Variants in PATJ observed in about 807,000 individuals in gnomAD.
PATJ encodes the protein PATJ crumbs cell polarity complex component, also known as inaD-like protein.
In PATJ, 190 loss-of-function variants were observed where a neutral mutation model predicts 224.9. The ratio of observed to expected loss-of-function variants is 0.84; its 90% CI spans 0.75 to 0.95. The LOEUF (loss-of-function observed/expected upper bound fraction) is 0.95, where lower values mean the gene tolerates loss of function less well. PATJ is among the 40% of genes least tolerant of loss of function. The probability of loss-of-function intolerance (pLI) is 0.00; values close to 1 mark genes in which losing one functional copy is unlikely to be tolerated. For synonymous variants in PATJ, 769 were observed against 820.3 expected (o/e 0.94, Z 1.07); for missense variants, 2,121 against 2,270.3 (o/e 0.93, Z 1.34).
chr1:62,099,231 G>GAA (rs1661803862), intron 33 of PATJ, among the ~76,000 whole-genome samples: 1 of 151,614 alleles, frequency 6.6e-6, no homozygotes, highest in African/African-American at 2.4e-5. Context: ...CCATAGAGGG[G>GAA]AAAAACTATT....
intron 28 of PATJ, among the ~76,000 whole-genome samples, chr1:62,015,787 G>C (rs1646740082): frequency 1.3e-5 from 2 of 152,064 alleles, no homozygotes; most frequent in South Asian, 4.2e-4. Context: ...CGCCATCTCA[G>C]CTCCCAAGTA....
At chr1:62,010,331 AT>A (rs34046309) in intron 28 of PATJ, among the ~76,000 whole-genome samples, 91,972 of 149,386 alleles carry the variant, frequency 0.62, 28,493 homozygotes, top group African/African-American at 0.71. Flanking sequence ...GTTAATGTTG[AT>A]TTTTTTTTTT....
chr1:62,122,503 C>G (rs963899475), intron 38 of PATJ, among the ~76,000 whole-genome samples: 1 of 151,274 alleles, frequency 6.6e-6, no homozygotes, highest in African/African-American at 2.4e-5. Flanking sequence ...CCACATTGAT[C>G]TCAAACAGAG....
intron 30 of PATJ, 54 bp from the exon 31 acceptor site, chr1:62,050,912 G>A (rs890261723): frequency 1.6e-6 from 2 of 1,286,874 alleles, no homozygotes; most frequent in Non-Finnish European, 2.3e-6. Flanking sequence ...TACAATTCGA[G>A]GGAGTGTAAG....
chr1:62,043,928 A>G (rs1339870694), intron 30 of PATJ, among the ~76,000 whole-genome samples: 1 of 151,994 alleles, frequency 6.6e-6, no homozygotes, highest in Non-Finnish European at 1.5e-5. Context: ...GAATCTCACT[A>G]TGTTGCCCAT....
intron 1 of PATJ, among the ~76,000 whole-genome samples, chr1:61,746,243 CTT>C (rs1468360386): frequency 6.6e-6 from 1 of 152,146 alleles, no homozygotes; most frequent in Non-Finnish European, 1.5e-5. Flanking sequence ...CGCCTGGCCT[CTT>C]TTAAAAAATT....
intron 7 of PATJ, among the ~76,000 whole-genome samples, chr1:61,779,975 A>G (rs1647156854): frequency 6.6e-6 from 1 of 152,118 alleles, no homozygotes; most frequent in African/African-American, 2.4e-5. Context: ...CGCACTGCAG[A>G]GAACTCAGAG....
intron 27 of PATJ, among the ~76,000 whole-genome samples, chr1:61,974,616 A>AAG (rs1320471728): frequency 2.0e-5 from 3 of 151,714 alleles, no homozygotes; most frequent in African/African-American, 7.3e-5. Context: ...AAACAAACAA[A>AAG]CGGGCTTTCT....
At position 62,074,175 on chromosome 1, in the gene PATJ, A is replaced by T. The variant is rs540305592; in HGVS notation, c.4126-5275A>T. 1.3e-4 allele frequency among the ~76,000 whole-genome samples: 19 copies of T among 147,288 alleles called. No individual in the cohort carries two copies. In the South Asian group the frequency reaches 3.9e-3, roughly 30 times the overall value. On this transcript the variant is annotated intron_variant, in intron 31 of 43. Transcript: ENST00000642238. ...AAGAAAATGCCTTTGAAAATTCTGT[A>T]AAATTATATGCTGAAAACCCAAATT...
intron 42 of PATJ, among the ~76,000 whole-genome samples, chr1:62,152,177 T>C (rs1668697526): frequency 6.6e-6 from 1 of 152,110 alleles, no homozygotes; most frequent in Non-Finnish European, 1.5e-5. Context: ...AGGAAATGGA[T>C]GGCTAAGTAA....
intron 1 of PATJ, among the ~76,000 whole-genome samples, chr1:61,752,167 A>G (rs1645371776): frequency 6.6e-6 from 1 of 151,490 alleles, no homozygotes; most frequent in Admixed American, 6.6e-5. Context: ...AGCCTACCAT[A>G]TAGCAGTTTA....
At chr1:62,015,549 G>T (rs1452646431) in intron 28 of PATJ, among the ~76,000 whole-genome samples, 1 of 151,860 alleles carries the variant, frequency 6.6e-6, no homozygotes, top group African/African-American at 2.4e-5. Flanking sequence ...GTGTGTGTGT[G>T]CGTGATGGAC....
At chr1:61,775,085 G>A in intron 6 of PATJ, 121 bp from the exon 7 acceptor site, 1 of 1,007,594 alleles carries the variant, frequency 9.9e-7, no homozygotes, top group Non-Finnish European at 1.4e-6. Flanking sequence ...ACATTGCCTT[G>A]ATTAATTGCA....
chr1:61,980,898 A>G (rs1169449745), intron 27 of PATJ, among the ~76,000 whole-genome samples: 2 of 152,096 alleles, frequency 1.3e-5, no homozygotes, highest in Non-Finnish European at 2.9e-5. Flanking sequence ...ATGAAAAACC[A>G]AGTCAGTTTC....
chr1:61,746,790 T>C (rs891871497), intron 1 of PATJ, among the ~76,000 whole-genome samples: 1 of 152,196 alleles, frequency 6.6e-6, no homozygotes, highest in African/African-American at 2.4e-5. Flanking sequence ...AAAAAGAAAC[T>C]AAAAGTACAC....
At chr1:61,988,767 T>TAA (rs1460511323) in intron 27 of PATJ, among the ~76,000 whole-genome samples, 1 of 152,238 alleles carries the variant, frequency 6.6e-6, no homozygotes, top group Non-Finnish European at 1.5e-5. Flanking sequence ...TACTCACTTA[T>TAA]AAAGCAGTGT....
intron 31 of PATJ, 120 bp from the exon 32 acceptor site, chr1:62,079,330 T>C: frequency 1.6e-6 from 1 of 645,012 alleles, no homozygotes; most frequent in South Asian, 2.0e-5. Flanking sequence ...TCCAACCTTA[T>C]ATTCTCAAAA....
chr1:61,795,423 A>G (rs1282071671), intron 9 of PATJ, 44 bp from the exon 10 acceptor site: 1 of 1,218,258 alleles, frequency 8.2e-7, no homozygotes, highest in Admixed American at 2.1e-5. Context: ...ATCAAGGCCT[A>G]ATTAGAATTT....
chr1:61,980,672 T>C (rs999794022), intron 27 of PATJ, among the ~76,000 whole-genome samples: 6 of 152,060 alleles, frequency 3.9e-5, no homozygotes, highest in African/African-American at 1.5e-4. Context: ...TTTCCACTTA[T>C]CCTTTTCTCA....
Sources: gnomAD v4.1 joint callset for allele counts (sites outside exome capture counted in the v4.1 genomes callset) on GRCh38, gnomAD v4.1.1 for gene constraint, MANE v1.5 for transcripts, NCBI Gene and HGNC (gene_info 2026-07-23, HGNC 2026-07-21) for gene names.